The following CATSPERE variants were observed in gnomAD, a reference collection of about 807,000 sequenced individuals.
CATSPERE encodes the protein cation channel sperm-associated auxiliary subunit epsilon.
Under a neutral mutation model 114.1 loss-of-function variants are expected in CATSPERE, and 93 were observed. The ratio of observed to expected loss-of-function variants is 0.81; its 90% CI spans 0.69 to 0.97. The LOEUF (loss-of-function observed/expected upper bound fraction) is 0.97, where lower values mean the gene tolerates loss of function less well. Ranked by LOEUF, CATSPERE falls within the 50% of genes least tolerant of loss-of-function variation. The probability of loss-of-function intolerance (pLI) is 0.00; values close to 1 mark genes in which losing one functional copy is unlikely to be tolerated. For synonymous variants in CATSPERE, 341 were observed against 384.1 expected (o/e 0.89, Z 1.31); for missense variants, 1,058 against 1,131.6 (o/e 0.93, Z 0.93).
rs1228636188 is a variant in CATSPERE, at chr1:244,560,892, G to C, written c.1254G>C (p.Lys418Asn). ...GCACTGTATGTAACGTCACCAAAAA[G>C]ATTTTCTTAGTGATATATAATGAAG... ...NYCTVCNVTK[K>N]IFLVIYNEDT... The change falls in exon 10 of 22, where the codon AAG (lysine) becomes AAC (asparagine). Residue 418 changes from lysine (K) to asparagine (N), a missense_variant. Lys to Asn is a moderately conservative substitution (Grantham distance 94). Transcript: ENST00000366534. The C allele has an allele frequency of 6.2e-7, 1 of 1,613,992 alleles. No individual in the cohort carries two copies.
intron 21 of CATSPERE, among the ~76,000 whole-genome samples, chr1:244,639,620 C>G (rs999614589): frequency 6.7e-6 from 1 of 148,944 alleles, no homozygotes; most frequent in Admixed American, 6.8e-5. Flanking sequence ...AACCCAGGAG[C>G]CAGGGCTTCC....
At chr1:244,490,288 T>C (rs1012985685) in intron 5 of CATSPERE, among the ~76,000 whole-genome samples, 159 bp from the exon 6 acceptor site, 6 of 152,184 alleles carry the variant, frequency 3.9e-5, no homozygotes, top group African/African-American at 1.2e-4. Flanking sequence ...AATAGACATG[T>C]GATTTTTTGT....
chr1:244,482,747 C>A (rs943884044), intron 5 of CATSPERE, among the ~76,000 whole-genome samples: 1 of 152,184 alleles, frequency 6.6e-6, no homozygotes, highest in Non-Finnish European at 1.5e-5. Context: ...TTATGCGCTA[C>A]CAATCACATT....
intron 8 of CATSPERE, among the ~76,000 whole-genome samples, chr1:244,545,584 A>T (rs1378883427): frequency 6.6e-6 from 1 of 152,212 alleles, no homozygotes; most frequent in African/African-American, 2.4e-5. Flanking sequence ...AGGCCCTTTC[A>T]TCATCCTTGG....
At position 244,625,432 on chromosome 1, in the gene CATSPERE, A is replaced by ATTTGTTTTTTTTTTTTTT. The variant is rs1673049367; in HGVS notation, c.2648+7749_2648+7750insGTTTTTTTTTTTTTTTTT. Among the ~76,000 whole-genome samples the ATTTGTTTTTTTTTTTTTT allele has an allele frequency of 5.0e-4, 2 of 3,986 alleles. 1 individual carries two copies. The highest frequency in any genetic ancestry group is 1.4e-3 in the African/African-American group (2 of 1,434). The allele number at this position is 3,986 out of a possible 152,430, so 2.6% of individuals were successfully genotyped here. A position where few individuals can be genotyped will look rare whatever the true frequency, so the allele number is the denominator to read the frequency against. ...TATATATATATATATATATATATAT[A>ATTTGTTTTTTTTTTTTTT]TTTTTTTTTTTTTTTGAGATGGAGT... On this transcript the variant is annotated intron_variant, in intron 20 of 21. Coordinates refer to ENST00000366534, the MANE Select transcript of CATSPERE (RefSeq NM_001130957.2).
At chr1:244,626,284 G>A (rs1264126559) in intron 20 of CATSPERE, among the ~76,000 whole-genome samples, 7 of 151,786 alleles carry the variant, frequency 4.6e-5, no homozygotes, top group South Asian at 2.1e-4. Context: ...TCAGGAGTTC[G>A]AAACCAGCCT....
intron 8 of CATSPERE, among the ~76,000 whole-genome samples, chr1:244,549,293 C>T (rs1387942561): frequency 6.6e-6 from 1 of 152,144 alleles, no homozygotes; most frequent in Non-Finnish European, 1.5e-5. Context: ...AAGTAATACA[C>T]AATGGGTAGC....
At chr1:244,489,883 C>G (rs1259464841) in intron 5 of CATSPERE, among the ~76,000 whole-genome samples, 1 of 152,000 alleles carries the variant, frequency 6.6e-6, no homozygotes, top group African/African-American at 2.4e-5. Context: ...CTTTTTAAAG[C>G]AAGCTAGCAA....
chr1:244,627,275 A>G (rs1673324417), intron 20 of CATSPERE, among the ~76,000 whole-genome samples: 1 of 152,138 alleles, frequency 6.6e-6, no homozygotes, highest in South Asian at 2.1e-4. Flanking sequence ...ATCAGAGATC[A>G]CTGACCACAG....
intron 8 of CATSPERE, among the ~76,000 whole-genome samples, chr1:244,522,460 C>A (rs1397930771): frequency 6.6e-6 from 1 of 152,076 alleles, no homozygotes; most frequent in Non-Finnish European, 1.5e-5. Flanking sequence ...CAAAAGGTAG[C>A]AGACGGCGAG....
intron 7 of CATSPERE, among the ~76,000 whole-genome samples, chr1:244,516,054 C>T (rs1457899371): frequency 2.0e-5 from 3 of 151,516 alleles, no homozygotes; most frequent in African/African-American, 7.3e-5. Flanking sequence ...ATTAGCTGGG[C>T]GTGGTGGCAC....
At chr1:244,527,104 C>T (rs373929344) in intron 8 of CATSPERE, among the ~76,000 whole-genome samples, 4 of 152,160 alleles carry the variant, frequency 2.6e-5, no homozygotes, top group South Asian at 2.1e-4. Context: ...CAACTGGGCA[C>T]GCATTGTCAT....
intron 1 of CATSPERE, among the ~76,000 whole-genome samples, chr1:244,455,740 A>C (rs970054911): frequency 1.3e-5 from 2 of 152,048 alleles, no homozygotes; most frequent in African/African-American, 4.8e-5. Flanking sequence ...GCCCTGAGAT[A>C]GCTTCTGGTA....
At chr1:244,512,005 T>G (rs1387392662) in intron 7 of CATSPERE, among the ~76,000 whole-genome samples, 2 of 152,218 alleles carry the variant, frequency 1.3e-5, no homozygotes, top group African/African-American at 4.8e-5. Context: ...TTGAAATTCA[T>G]GTACCTTGGA....
intron 7 of CATSPERE, among the ~76,000 whole-genome samples, chr1:244,501,820 T>C (rs1182655442): frequency 6.6e-6 from 1 of 152,222 alleles, no homozygotes; most frequent in Non-Finnish European, 1.5e-5. Context: ...TCTTAACTCT[T>C]AGGCTCTTAA....
At chr1:244,619,312 G>A (rs1025492612) in intron 20 of CATSPERE, among the ~76,000 whole-genome samples, 1 of 152,176 alleles carries the variant, frequency 6.6e-6, no homozygotes, top group African/African-American at 2.4e-5. Flanking sequence ...GGAAGGGCCA[G>A]ACCACTGAGT....
chr1:244,566,669 T>A (rs1663582319), intron 10 of CATSPERE, among the ~76,000 whole-genome samples: 1 of 116,160 alleles, frequency 8.6e-6, no homozygotes, highest in African/African-American at 3.1e-5. Flanking sequence ...TTTTTTTTTT[T>A]TTTTTTTTTT....
chr1:244,544,190 T>G (rs923260964), intron 8 of CATSPERE, among the ~76,000 whole-genome samples: 1 of 152,186 alleles, frequency 6.6e-6, no homozygotes, highest in Non-Finnish European at 1.5e-5. Flanking sequence ...CCATAAAAAT[T>G]TATGTTGTTA....
chr1:244,498,271 C>A (rs1053334694), intron 6 of CATSPERE, among the ~76,000 whole-genome samples: 1 of 152,084 alleles, frequency 6.6e-6, no homozygotes, highest in Non-Finnish European at 1.5e-5. Flanking sequence ...AGCATGCTAG[C>A]ATTTTGTAAA....
Sources: allele counts gnomAD v4.1 joint callset (sites outside exome capture counted in the v4.1 genomes callset), GRCh38; gene constraint gnomAD v4.1.1; transcripts MANE v1.5; gene names NCBI Gene and HGNC (gene_info 2026-07-23, HGNC 2026-07-21).